Variants in STK32B observed in about 807,000 individuals in gnomAD.
STK32B encodes the protein serine/threonine-protein kinase 32B.
STK32B carries 43 observed loss-of-function variants against 52.6 expected under a neutral mutation model. The ratio of observed to expected loss-of-function variants is 0.82; its 90% confidence interval spans 0.64 to 1.05. The LOEUF (loss-of-function observed/expected upper bound fraction) is 1.05, where lower values mean the gene tolerates loss of function less well. Ranked by LOEUF, STK32B falls within the 50% of genes least tolerant of loss-of-function variation. The pLI is 0.00. For synonymous variants in STK32B, 238 were observed against 204.3 expected (o/e 1.17, Z -1.41); for missense variants, 621 against 534.6 (o/e 1.16, Z -1.59).
intron 3 of STK32B, among the ~76,000 whole-genome samples, chr4:5,257,783 A>G (rs2108840675): frequency 6.6e-6 from 1 of 152,316 alleles, no homozygotes; most frequent in African/African-American, 2.4e-5. Context: ...TCTTTACTAA[A>G]AATACAAAAA....
At chr4:5,343,240 G>T (rs1429556746) in intron 4 of STK32B, among the ~76,000 whole-genome samples, 3 of 151,850 alleles carry the variant, frequency 2.0e-5, no homozygotes. Flanking sequence ...GAGAATGATG[G>T]TTTCCAGCTT....
At chr4:5,181,419 G>A (rs1043622315) in intron 3 of STK32B, among the ~76,000 whole-genome samples, 1 of 151,554 alleles carries the variant, frequency 6.6e-6, no homozygotes, top group Non-Finnish European at 1.5e-5. Flanking sequence ...GGCACCCTGA[G>A]TTCAGATATC....
chr4:5,122,850 C>G (rs190242747), intron 1 of STK32B, among the ~76,000 whole-genome samples: 2 of 152,232 alleles, frequency 1.3e-5, no homozygotes, highest in East Asian at 3.9e-4. Context: ...CTCCCTGGTT[C>G]TCTCCCAGCT....
At chr4:5,258,590 C>T (rs1212142333) in intron 3 of STK32B, among the ~76,000 whole-genome samples, 1 of 152,156 alleles carries the variant, frequency 6.6e-6, no homozygotes, top group Non-Finnish European at 1.5e-5. Context: ...TGATTATCCT[C>T]TTCCTTTCCC....
chr4:5,298,128 A>G (rs188930876), intron 3 of STK32B, among the ~76,000 whole-genome samples: 104 of 152,224 alleles, frequency 6.8e-4, no homozygotes, highest in African/African-American at 2.4e-3. Context: ...CAGAACAGCA[A>G]AGATTGCTGC....
At chr4:5,082,897 A>G (rs972089392) in intron 1 of STK32B, among the ~76,000 whole-genome samples, 5 of 152,204 alleles carry the variant, frequency 3.3e-5, no homozygotes, top group Non-Finnish European at 7.3e-5. Context: ...ATTGTGCAAT[A>G]CAATTCACTT....
At chr4:5,440,395 G>A (rs1169314397) in intron 6 of STK32B, among the ~76,000 whole-genome samples, 3 of 152,030 alleles carry the variant, frequency 2.0e-5, no homozygotes, top group South Asian at 2.1e-4. Context: ...TCATGATTTG[G>A]CACTCTGTTT....
intron 3 of STK32B, chr4:5,214,219 T>C (rs1469518142): frequency 6.6e-6 from 1 of 152,236 alleles, no homozygotes; most frequent in Non-Finnish European, 1.5e-5. Flanking sequence ...TAAAAGTGTG[T>C]AGTGCTTCCT....
At chr4:5,036,188 A>G in the STK32B span, among the ~76,000 whole-genome samples, 165 of 152,338 alleles carry the variant, frequency 1.1e-3, no homozygotes, top group South Asian at 5.6e-3. Flanking sequence ...TAAAGAGAGA[A>G]TAATACTATA....
At chr4:5,245,302 G>A (rs978184231) in intron 3 of STK32B, among the ~76,000 whole-genome samples, 102 of 152,132 alleles carry the variant, frequency 6.7e-4, no homozygotes, top group African/African-American at 2.1e-3. Flanking sequence ...TTAGTTCTTC[G>A]TGTTGAATTG....
chr4:5,468,220 G>T (rs1717593092), intron 11 of STK32B, 150 bp downstream of exon 11: 4 of 748,618 alleles, frequency 5.3e-6, no homozygotes, highest in South Asian at 5.0e-5. Context: ...CTGGTGGGGG[G>T]TGAAACTCCT....
intron 1 of STK32B, among the ~76,000 whole-genome samples, chr4:5,099,454 G>GCGCGTGCGCGTGCACA (rs1553823530): frequency 7.7e-6 from 1 of 129,744 alleles, no homozygotes; most frequent in African/African-American, 2.6e-5. Context: ...GTGTGTGCGC[G>GCGCGTGCGCGTGCACA]CGCGCGTATG....
chr4:5,446,833 G>T (rs969362781), intron 7 of STK32B, 57 bp downstream of exon 7: 16 of 1,566,524 alleles, frequency 1.0e-5, no homozygotes, highest in Non-Finnish European at 1.4e-5. Flanking sequence ...GGCTCACGTT[G>T]TACCTGGACG....
intron 1 of STK32B, among the ~76,000 whole-genome samples, chr4:5,127,625 T>G (rs1715485597): frequency 6.6e-6 from 1 of 151,776 alleles, no homozygotes; most frequent in African/African-American, 2.4e-5. Flanking sequence ...GGATTTAGAA[T>G]GGCCTTATAA....
chr4:5,260,443 G>A (rs567130170), intron 3 of STK32B, among the ~76,000 whole-genome samples: 1 of 152,102 alleles, frequency 6.6e-6, no homozygotes, highest in Non-Finnish European at 1.5e-5. Flanking sequence ...ATCAGTGCTC[G>A]CAGAGACACA....
intron 3 of STK32B, among the ~76,000 whole-genome samples, chr4:5,330,568 G>A (rs1732168737): frequency 1.3e-5 from 2 of 152,186 alleles, no homozygotes; most frequent in Non-Finnish European, 1.5e-5. Context: ...GGGTTGCCAT[G>A]GAATATCAAA....
chr4:5,382,767 T>C (rs1451911438), intron 4 of STK32B, among the ~76,000 whole-genome samples: 2 of 152,224 alleles, frequency 1.3e-5, no homozygotes. Context: ...ATGCCAAGCC[T>C]GGACTCATTC....
chr4:5,312,389 A>G (rs1413649584), intron 3 of STK32B, among the ~76,000 whole-genome samples: 1 of 151,424 alleles, frequency 6.6e-6, no homozygotes, highest in Non-Finnish European at 1.5e-5. Context: ...TGCACCCATT[A>G]ACTCGTCATT....
chr4:5,079,351 T>C (rs1712270604), intron 1 of STK32B, among the ~76,000 whole-genome samples: 1 of 152,208 alleles, frequency 6.6e-6, no homozygotes, highest in African/African-American at 2.4e-5. Context: ...AGGTGAAATT[T>C]ATAAACATTT....
Sources: allele counts gnomAD v4.1 joint callset (sites outside exome capture counted in the v4.1 genomes callset), GRCh38; gene constraint gnomAD v4.1.1; transcripts MANE v1.5; gene names NCBI Gene and HGNC (gene_info 2026-07-23, HGNC 2026-07-21).